The following ALPK2 variants were observed in gnomAD, a reference collection of about 807,000 sequenced individuals.
ALPK2 encodes the protein alpha-protein kinase 2.
ALPK2 carries 127 observed loss-of-function variants against 163.1 expected under a neutral mutation model. That is an observed-to-expected ratio of 0.78 (90% CI 0.67 to 0.90). ALPK2 has a LOEUF of 0.90. Among genes scored for constraint, ALPK2 ranks in the 40% least tolerant of loss-of-function variants. ALPK2 has a pLI of 0.00. For missense variants in ALPK2, 2,360 were observed against 2,589.6 expected, an observed-to-expected ratio of 0.91 and a Z score of 1.92; for synonymous variants, 953 against 959.1, an observed-to-expected ratio of 0.99 and a Z score of 0.12.
intron 4 of ALPK2, among the ~76,000 whole-genome samples, chr18:58,573,592 G>A (rs1373875112): frequency 7.8e-6 from 1 of 128,536 alleles, no homozygotes; most frequent in Non-Finnish European, 1.6e-5. Flanking sequence ...TTATCTAGAG[G>A]CATGTTGCCA....
chr18:58,551,047 C>T (rs1471694899), intron 4 of ALPK2, among the ~76,000 whole-genome samples: 2 of 152,020 alleles, frequency 1.3e-5, no homozygotes, highest in Non-Finnish European at 2.9e-5. Flanking sequence ...CACCATCTCA[C>T]CCCCGAGATG....
At chr18:58,564,153 G>C (rs146007876) in intron 4 of ALPK2, among the ~76,000 whole-genome samples, 1,864 of 70,826 alleles carry the variant, frequency 0.026, 41 homozygotes, top group African/African-American at 0.1. Context: ...ATGGAGTTTC[G>C]CTCTTGTCGC....
chr18:58,619,406 G>A (rs749905372), intron 1 of ALPK2, among the ~76,000 whole-genome samples: 6 of 152,182 alleles, frequency 3.9e-5, no homozygotes, highest in African/African-American at 4.8e-5. Context: ...TGGAATATTC[G>A]TGAGGATGTG....
At chr18:58,597,766 A>T (rs372945584) in intron 3 of ALPK2, among the ~76,000 whole-genome samples, 24 of 152,332 alleles carry the variant, frequency 1.6e-4, no homozygotes, top group African/African-American at 5.3e-4. Flanking sequence ...CATATGTTGA[A>T]GCCCTAACCC....
chr18:58,607,461 T>C, intron 2 of ALPK2, 22 bp from the exon 3 acceptor site: 1 of 1,482,580 alleles, frequency 6.7e-7, no homozygotes, highest in South Asian at 1.2e-5. Flanking sequence ...GAAAGAAAAG[T>C]ATCCTTATTA....
chr18:58,596,872 G>A (rs1167424596), intron 3 of ALPK2, among the ~76,000 whole-genome samples: 2 of 152,130 alleles, frequency 1.3e-5, no homozygotes, highest in Non-Finnish European at 2.9e-5. Context: ...CCAGACTGGA[G>A]TGCAGTGGTA....
At chr18:58,520,920 G>A (rs1350247136) in intron 8 of ALPK2, among the ~76,000 whole-genome samples, 2 of 152,234 alleles carry the variant, frequency 1.3e-5, no homozygotes, top group Non-Finnish European at 2.9e-5. Context: ...GGAGGCTTAG[G>A]TGGGAGGATC....
intron 4 of ALPK2, among the ~76,000 whole-genome samples, chr18:58,556,682 T>C (rs1275121017): frequency 6.6e-6 from 1 of 152,176 alleles, no homozygotes; most frequent in Non-Finnish European, 1.5e-5. Flanking sequence ...TAGAAATGCA[T>C]GGTCTCAGGC....
chr18:58,510,649 T>C (rs1201767211), intron 10 of ALPK2, among the ~76,000 whole-genome samples: 4 of 152,224 alleles, frequency 2.6e-5, no homozygotes, highest in Non-Finnish European at 5.9e-5. Context: ...TTGAAGCAAT[T>C]GTGAATGGGA....
At chr18:58,558,910 C>T (rs890106967) in intron 4 of ALPK2, among the ~76,000 whole-genome samples, 9 of 152,126 alleles carry the variant, frequency 5.9e-5, no homozygotes, top group Non-Finnish European at 4.4e-5. Context: ...TAGGATTTGC[C>T]AGGGGCTGGG....
Position 58,538,190 on chromosome 18 carries a change from G to A in ALPK2, c.1997C>T (p.Ser666Phe). ...QVQETVRETI[S>F]CSQMPAFSEP... ...TGAGAAAGCTGGCATCTGGCTGCAA[G>A]AGATTGTCTCTCTGACTGTTTCCTG... is the stretch of plus-strand genomic sequence containing the variant. The change falls in exon 5 of 13, where the codon TCT (serine) becomes TTT (phenylalanine). Residue 666 changes from serine to phenylalanine, a missense_variant. Coordinates refer to ENST00000361673, the MANE Select transcript of ALPK2 (RefSeq NM_052947.4). 2 of 1,612,434 alleles carry A rather than the reference G, an allele frequency of 1.2e-6. No individual in the cohort carries two copies. The highest frequency in any genetic ancestry group is 8.5e-7 in the Non-Finnish European group (1 of 1,180,006).
intron 6 of ALPK2, among the ~76,000 whole-genome samples, chr18:58,526,097 C>T (rs2051583417): frequency 6.6e-6 from 1 of 151,794 alleles, no homozygotes; most frequent in African/African-American, 2.4e-5. Flanking sequence ...CTTTTTTAAC[C>T]AAGAGGGTAA....
intron 3 of ALPK2, among the ~76,000 whole-genome samples, chr18:58,599,382 C>T (rs572667138): frequency 6.6e-6 from 1 of 152,306 alleles, no homozygotes; most frequent in South Asian, 2.1e-4. Flanking sequence ...CCTGCCTCAG[C>T]CCTGTGTCAG....
At chr18:58,490,848 G>T (rs746230124) in intron 12 of ALPK2, among the ~76,000 whole-genome samples, 1 of 152,190 alleles carries the variant, frequency 6.6e-6, no homozygotes, top group African/African-American at 2.4e-5. Flanking sequence ...GCTCAGAGAA[G>T]AGCCCAGGGG....
intron 1 of ALPK2, among the ~76,000 whole-genome samples, chr18:58,623,325 C>G (rs1299505914): frequency 1.3e-5 from 2 of 151,416 alleles, no homozygotes; most frequent in Admixed American, 6.6e-5. Flanking sequence ...CCCCACCCAC[C>G]TCAGACTCCC....
At position 58,579,995 on chromosome 18, in the gene ALPK2, G is replaced by T; in HGVS notation, c.781C>A (p.Gln261Lys). 1.5e-5 allele frequency: 24 copies of T among 1,614,224 alleles called. No individual in the cohort carries two copies. Among genetic ancestry groups the T allele is most frequent in the Non-Finnish European group, 2.0e-5 (24 of 1,180,042 alleles). Residue 261 changes from glutamine (Q) to lysine (K), a missense_variant, in exon 4 of 13, where the codon CAG becomes AAG. By Grantham distance (53) the Gln-to-Lys change is moderately conservative. Transcript: ENST00000361673. ...GPHDEGLRSS[Q>K]QNPKVQKYIS... ...TATTTCTGTACTTTGGGATTTTGCT[G>T]ACTAGAGCGTAAGCCTTCATCATGA...
chr18:58,521,775 G>A (rs1350281680), intron 8 of ALPK2, among the ~76,000 whole-genome samples: 1 of 151,558 alleles, frequency 6.6e-6, no homozygotes, highest in Admixed American at 6.6e-5. Flanking sequence ...TTACAGGTGC[G>A]TGCCACCATG....
At chr18:58,515,153 T>C (rs2051514732) in intron 9 of ALPK2, 72 bp from the exon 10 acceptor site, 1 of 1,158,154 alleles carries the variant, frequency 8.6e-7, no homozygotes, top group Non-Finnish European at 1.2e-6. Flanking sequence ...AGTAAGACTA[T>C]TCAGGAGATT....
At chr18:58,512,470 C>T (rs1403744797) in intron 10 of ALPK2, among the ~76,000 whole-genome samples, 1 of 151,984 alleles carries the variant, frequency 6.6e-6, no homozygotes, top group East Asian at 1.9e-4. Flanking sequence ...GTGGCCCCAG[C>T]GGGGGTCAGT....
Sources: allele counts gnomAD v4.1 joint callset (sites outside exome capture counted in the v4.1 genomes callset), GRCh38; gene constraint gnomAD v4.1.1; transcripts MANE v1.5; gene names NCBI Gene and HGNC (gene_info 2026-07-23, HGNC 2026-07-21).